CTNNA2: variants seen among roughly 807,000 people sequenced by gnomAD.
The protein encoded by CTNNA2 is catenin alpha 2, also known as catenin alpha-2.
In CTNNA2, 42 loss-of-function variants were observed where a neutral mutation model predicts 101.0. The observed-to-expected ratio is 0.42, with a 90% CI of 0.32 to 0.54. The LOEUF is 0.54. Ranked by LOEUF, CTNNA2 falls within the 20% of genes least tolerant of loss-of-function variation. The pLI is 0.14. For synonymous variants in CTNNA2, 450 were observed against 456.4 expected (o/e 0.99, Z 0.18); for missense variants, 871 against 1,223.1 (o/e 0.71, Z 4.29).
In CTNNA2 at chr2:80,302,371, C is replaced by G. The variant is rs144965345; in HGVS notation, c.1057-90840C>G. On this transcript the variant is annotated intron_variant, in intron 7 of 18. Transcript: ENST00000402739. The surrounding 1 kb of genome is among the most constrained non-coding windows in gnomAD (Gnocchi z 6.4). ...AATCAACGTAGTATTCCTGGGCAGA[C>G]ATGGCAGCCATCTGATGCATGGTCT... 5.3e-5 allele frequency: 85 copies of G among 1,614,124 alleles called. No individual in the cohort carries two copies. Among genetic ancestry groups the G allele is most frequent in the Non-Finnish European group, 6.8e-5 (80 of 1,180,050 alleles).
At chr2:79,441,475 A>G (rs1034633832) in intron 4 of CTNNA2, among the ~76,000 whole-genome samples, 1 of 152,152 alleles carries the variant, frequency 6.6e-6, no homozygotes, top group South Asian at 2.1e-4. Context: ...TCATATACCC[A>G]GGGACTGAAG....
chr2:80,107,782 C>G (rs1700982798), intron 7 of CTNNA2, among the ~76,000 whole-genome samples: 3 of 152,212 alleles, frequency 2.0e-5, no homozygotes, highest in Admixed American at 2.0e-4. Context: ...AACACACCCT[C>G]TGGGGTTTTG....
At chr2:79,545,303 C>T (rs72921195) in intron 1 of CTNNA2, among the ~76,000 whole-genome samples, 3,365 of 152,224 alleles carry the variant, frequency 0.022, 133 homozygotes, top group African/African-American at 0.078. Context: ...CTTCTCCTTC[C>T]CCACTCCCTG....
intron 7 of CTNNA2, among the ~76,000 whole-genome samples, chr2:80,266,839 T>C (rs1673040186): frequency 1.3e-5 from 2 of 152,250 alleles, no homozygotes; most frequent in East Asian, 3.9e-4. Flanking sequence ...AGAGCAGGCA[T>C]CTTCCTAAAA....
At chr2:80,362,218 T>G (rs1674479799) in intron 7 of CTNNA2, among the ~76,000 whole-genome samples, 1 of 152,070 alleles carries the variant, frequency 6.6e-6, no homozygotes. Flanking sequence ...AAGAGATAGT[T>G]CCCAGGTCCT....
intron 9 of CTNNA2, among the ~76,000 whole-genome samples, chr2:80,456,705 G>T (rs1684007748): frequency 6.6e-6 from 1 of 152,108 alleles, no homozygotes; most frequent in African/African-American, 2.4e-5. Context: ...TATACACTTC[G>T]AGTTTCAGTT....
intron 15 of CTNNA2, among the ~76,000 whole-genome samples, chr2:80,591,083 G>GTTAC (rs1392291353): frequency 1.3e-5 from 2 of 152,070 alleles, no homozygotes; most frequent in Non-Finnish European, 2.9e-5. Flanking sequence ...GTTTTGATCA[G>GTTAC]GAGCACATTT....
rs1336780302 is a variant in CTNNA2, at chr2:80,316,271, A to G, written c.1057-76940A>G. Among the ~76,000 whole-genome samples, 7 of 152,344 alleles carry G rather than the reference A, an allele frequency of 4.6e-5. No homozygotes were observed. The East Asian group carries it at 1.4e-3, about 29-fold the overall frequency. On this transcript the variant is annotated intron_variant, in intron 7 of 18. Coordinates refer to ENST00000402739, the MANE Select transcript of CTNNA2 (RefSeq NM_001282597.3). ...TTTTAATGGAAATTGAAAAATTAAG[A>G]TAACAGTACATAAATATTTAAAAAT...
intron 4 of CTNNA2, among the ~76,000 whole-genome samples, chr2:79,408,582 G>A (rs936281958): frequency 2.0e-5 from 3 of 151,236 alleles, no homozygotes; most frequent in African/African-American, 7.3e-5. Context: ...GCGATAGTTT[G>A]CTGAGAATGA....
chr2:79,995,827 A>G (rs1310010751), intron 7 of CTNNA2, among the ~76,000 whole-genome samples: 2 of 152,066 alleles, frequency 1.3e-5, no homozygotes, highest in Non-Finnish European at 2.9e-5. Context: ...AAAAATATGC[A>G]TTGTCCTTTG....
intron 7 of CTNNA2, among the ~76,000 whole-genome samples, chr2:80,194,454 C>G (rs1458985590): frequency 6.6e-6 from 1 of 151,268 alleles, no homozygotes; most frequent in South Asian, 2.1e-4. Flanking sequence ...ACAAGCTTAG[C>G]ATAATTTAAC....
chr2:80,111,921 T>A (rs1483246286), intron 7 of CTNNA2, among the ~76,000 whole-genome samples: 1 of 152,212 alleles, frequency 6.6e-6, no homozygotes, highest in Non-Finnish European at 1.5e-5. Flanking sequence ...CCATTCATTT[T>A]GGATATCCAA....
chr2:80,021,001 T>G (rs1694520530), intron 7 of CTNNA2, among the ~76,000 whole-genome samples: 1 of 143,174 alleles, frequency 7.0e-6, no homozygotes, highest in African/African-American at 2.7e-5. Context: ...ATCTTTTTTT[T>G]TTTTTTTTTT....
intron 1 of CTNNA2, among the ~76,000 whole-genome samples, chr2:79,516,162 A>G (rs1671796619): frequency 6.6e-6 from 1 of 152,224 alleles, no homozygotes; most frequent in Non-Finnish European, 1.5e-5. Flanking sequence ...CATCTATAAA[A>G]TGAAAATTGT....
intron 7 of CTNNA2, among the ~76,000 whole-genome samples, chr2:79,910,566 TC>T (rs1165331870): frequency 2.0e-5 from 3 of 152,168 alleles, no homozygotes; most frequent in African/African-American, 7.2e-5. Flanking sequence ...GATCTGTGCT[TC>T]CCCCTTTCCT....
chr2:79,223,980 G>A (rs79438744), intron 2 of CTNNA2, among the ~76,000 whole-genome samples: 13,057 of 152,194 alleles, frequency 0.086, 671 homozygotes, highest in Middle Eastern at 0.17. Flanking sequence ...TTGAAGTGAA[G>A]ACAGAAGAGT....
intron 4 of CTNNA2, among the ~76,000 whole-genome samples, chr2:79,390,923 G>T (rs970943961): frequency 2.6e-5 from 4 of 152,222 alleles, no homozygotes; most frequent in Admixed American, 6.5e-5. Flanking sequence ...TGCATTGATT[G>T]ATTACTTAGT....
chr2:79,736,709 C>G (rs1558884032), intron 2 of CTNNA2, among the ~76,000 whole-genome samples: 1 of 152,170 alleles, frequency 6.6e-6, no homozygotes, highest in African/African-American at 2.4e-5. Flanking sequence ...GCAATTGAAG[C>G]CTTCTCTTGT....
intron 7 of CTNNA2, among the ~76,000 whole-genome samples, chr2:80,392,817 GT>G (rs1677644592): frequency 6.6e-6 from 1 of 152,128 alleles, no homozygotes; most frequent in Non-Finnish European, 1.5e-5. Flanking sequence ...TTTCGATTTA[GT>G]TTTTATTATC....
Sources: allele counts gnomAD v4.1 joint callset (sites outside exome capture counted in the v4.1 genomes callset), GRCh38; gene constraint gnomAD v4.1.1; non-coding constraint Gnocchi (gnomAD v3.1); transcripts MANE v1.5; gene names NCBI Gene and HGNC (gene_info 2026-07-23, HGNC 2026-07-21).